Variants in POR observed in about 807,000 individuals in gnomAD.
POR encodes NADPH--cytochrome P450 reductase.
Under a neutral mutation model 84.0 loss-of-function variants are expected in POR, and 56 were observed. The ratio of observed to expected loss-of-function variants is 0.67; its 90% CI spans 0.54 to 0.83. The LOEUF is 0.83. POR is among the 40% of genes least tolerant of loss of function. The pLI, the probability that POR is intolerant of heterozygous loss-of-function variation, is 0.00. For synonymous variants in POR, 414 were observed against 400.5 expected (o/e 1.03, Z -0.40); for missense variants, 938 against 944.3 (o/e 0.99, Z 0.09).
intron 2 of POR, among the ~76,000 whole-genome samples, chr7:75,965,591 G>A (rs1178546646): frequency 6.6e-6 from 1 of 152,178 alleles, no homozygotes; most frequent in African/African-American, 2.4e-5. Context: ...TGAGGGTATG[G>A]CCTTTTCTTT....
At chr7:75,923,438 C>G (rs1806969442) in intron 1 of POR, 2 of 584,190 alleles carry the variant, frequency 3.4e-6, no homozygotes, top group Admixed American at 2.8e-5. Context: ...CATCCGCCAG[C>G]TGAACTAGAG....
chr7:75,986,337 GGA>G lies in POR; in HGVS notation c.1900_1901del (p.Asp634CysfsTer18). The G allele has an allele frequency of 3.7e-6, 6 of 1,612,524 alleles. No individual in the cohort carries two copies. The highest frequency in any genetic ancestry group is 4.2e-6 in the Non-Finnish European group (5 of 1,179,818). ...CCCAGCACCCCCTCTTCCTGCCCAGGGATGCACGGAACATGGCCAGGGATGTG... is the reference window on the plus strand; with the variant it reads ...CCCAGCACCCCCTCTTCCTGCCCAGGTGCACGGAACATGGCCAGGGATGTG... On this transcript the variant is annotated frameshift_variant and splice_region_variant, in exon 16 of 16. Transcript: ENST00000461988. LOFTEE classifies it high-confidence loss of function.
At chr7:75,950,510 A>T (rs1187134205) in intron 1 of POR, among the ~76,000 whole-genome samples, 6 of 152,066 alleles carry the variant, frequency 3.9e-5, no homozygotes, top group Admixed American at 1.3e-4. Context: ...CTGTGTCACC[A>T]TGGCACTCCT....
chr7:75,926,294 C>T (rs1807123073), intron 1 of POR, among the ~76,000 whole-genome samples: 1 of 152,046 alleles, frequency 6.6e-6, no homozygotes, highest in African/African-American at 2.4e-5. Flanking sequence ...TGTACCTGGA[C>T]CCCTGCTATT....
intron 1 of POR, among the ~76,000 whole-genome samples, chr7:75,922,320 T>TG: frequency 8.1e-6 from 1 of 123,300 alleles, no homozygotes; most frequent in Non-Finnish European, 1.6e-5. Context: ...TGATCTGTAG[T>TG]TTTTTTTTTT....
chr7:75,922,149 C>T (rs1053063326), intron 1 of POR, among the ~76,000 whole-genome samples: 3 of 152,122 alleles, frequency 2.0e-5, no homozygotes, highest in South Asian at 4.1e-4. Flanking sequence ...GAACAGGGAA[C>T]CTATCATTTC....
intron 1 of POR, among the ~76,000 whole-genome samples, chr7:75,939,968 G>A (rs1184702076): frequency 6.6e-6 from 1 of 152,086 alleles, no homozygotes; most frequent in Non-Finnish European, 1.5e-5. Context: ...GGAGTGCAGG[G>A]ATACTCACTG....
In POR at chr7:75,982,254, C is replaced by G. The variant is rs575587599; in HGVS notation, c.762C>G (p.Thr254=). The G allele has an allele frequency of 6.2e-7, 1 of 1,612,426 alleles. No homozygotes were observed. Among genetic ancestry groups the G allele is most frequent in the Non-Finnish European group, 8.5e-7 (1 of 1,179,466 alleles). ...GCCAGTACGAGCTTGTGGTCCACACCGACATAGATGCGGCCAAGGTGTACA... is the reference window on the plus strand; with the variant it reads ...GCCAGTACGAGCTTGTGGTCCACACGGACATAGATGCGGCCAAGGTGTACA... The change falls in exon 8 of 16, where the codon ACC becomes ACG. Residue 254 remains threonine, a synonymous_variant. Transcript: ENST00000461988.
At chr7:75,945,309 AAAAAGAAAAG>A (rs141191058) in intron 1 of POR, 2 of 151,994 alleles carry the variant, frequency 1.3e-5, no homozygotes, top group East Asian at 1.9e-4. Context: ...TCCTAAAACA[AAAAAGAAAAG>A]AAAAGAAAAG....
intron 1 of POR, among the ~76,000 whole-genome samples, chr7:75,951,623 T>TCAGCTAGAA (rs1787427336): frequency 6.6e-6 from 1 of 152,182 alleles, no homozygotes; most frequent in South Asian, 2.1e-4. Flanking sequence ...CCATCAGCAG[T>TCAGCTAGAA]CAGCTAGAAC....
At chr7:75,973,299 T>C (rs1201220014) in intron 3 of POR, among the ~76,000 whole-genome samples, 1 of 152,166 alleles carries the variant, frequency 6.6e-6, no homozygotes, top group African/African-American at 2.4e-5. Context: ...GAGACTCTTA[T>C]TTTTAATTTA....
At chr7:75,971,303 G>A (rs887613017) in intron 2 of POR, among the ~76,000 whole-genome samples, 1 of 151,972 alleles carries the variant, frequency 6.6e-6, no homozygotes, top group Non-Finnish European at 1.5e-5. Context: ...TCATCTTCAG[G>A]TTTGTCACTT....
intron 1 of POR, among the ~76,000 whole-genome samples, chr7:75,933,391 T>G (rs1372295678): frequency 5.3e-5 from 5 of 94,170 alleles, no homozygotes; most frequent in East Asian, 3.5e-4. Context: ...TTTTTTTTTT[T>G]TTTTTTTTTT....
At chr7:75,920,132 CT>C (rs1806782364) in intron 1 of POR, among the ~76,000 whole-genome samples, 1 of 120,626 alleles carries the variant, frequency 8.3e-6, no homozygotes, top group South Asian at 2.7e-4. Context: ...GTGGTGTGAT[CT>C]TGGCTCACTG....
chr7:75,955,217 G>A (rs1340641987), intron 2 of POR, among the ~76,000 whole-genome samples: 1 of 152,112 alleles, frequency 6.6e-6, no homozygotes, highest in Non-Finnish European at 1.5e-5. Flanking sequence ...CAAAATCTTT[G>A]GACAGGCCTT....
intron 2 of POR, among the ~76,000 whole-genome samples, chr7:75,958,020 T>C (rs1787761391): frequency 6.6e-6 from 1 of 152,210 alleles, no homozygotes; most frequent in Admixed American, 6.5e-5. Flanking sequence ...GTAGTAGTAC[T>C]TACCTCATAA....
chr7:75,978,380 C>G (rs1334451055), intron 3 of POR, among the ~76,000 whole-genome samples: 6 of 152,166 alleles, frequency 3.9e-5, no homozygotes, highest in South Asian at 4.2e-4. Flanking sequence ...AGCATAGCAA[C>G]TATTTACAGA....
intron 1 of POR, among the ~76,000 whole-genome samples, chr7:75,950,895 T>C (rs1349485964): frequency 4.0e-5 from 6 of 150,994 alleles, no homozygotes; most frequent in African/African-American, 1.5e-4. Flanking sequence ...CCATCTCTAC[T>C]AAAAATACAG....
chr7:75,954,758 A>G (rs1787610481), intron 2 of POR, among the ~76,000 whole-genome samples: 1 of 143,878 alleles, frequency 7.0e-6, no homozygotes, highest in African/African-American at 2.6e-5. Context: ...ACCAGTCTGG[A>G]GTACAGCGGT....
Sources: allele counts gnomAD v4.1 joint callset (sites outside exome capture counted in the v4.1 genomes callset), GRCh38; gene constraint gnomAD v4.1.1; transcripts MANE v1.5; gene names NCBI Gene and HGNC (gene_info 2026-07-23, HGNC 2026-07-21).